RAF1: variants seen among roughly 807,000 people sequenced by gnomAD.
RAF1 encodes the protein RAF proto-oncogene serine/threonine-protein kinase.
Under a neutral mutation model 81.1 loss-of-function variants are expected in RAF1, and 27 were observed. The observed-to-expected ratio is 0.33, with a 90% CI of 0.25 to 0.46. The LOEUF (loss-of-function observed/expected upper bound fraction) is 0.46, where lower values mean the gene tolerates loss of function less well. Among genes scored for constraint, RAF1 ranks in the 20% least tolerant of loss-of-function variants. The pLI, the probability that RAF1 is intolerant of heterozygous loss-of-function variation, is 1.00. For synonymous variants in RAF1, 298 were observed against 294.0 expected, an observed-to-expected ratio of 1.01 and a Z score of -0.14; for missense variants, 598 against 826.0, an observed-to-expected ratio of 0.72 and a Z score of 3.38.
chr3:12,652,057 A>G (rs2060548167), intron 1 of RAF1, among the ~76,000 whole-genome samples: 1 of 150,696 alleles, frequency 6.6e-6, no homozygotes, highest in Non-Finnish European at 1.5e-5. Context: ...TAAATAAATG[A>G]TATAAAAAAT....
In RAF1 at chr3:12,591,827, G is replaced by C. The variant is rs1575546636; in HGVS notation, c.1169-35C>G. 6.9e-6 allele frequency: 10 copies of C among 1,457,710 alleles called. No homozygotes were observed. In the East Asian group the frequency reaches 2.3e-4, roughly 33 times the overall value. 90.3% of individuals were successfully genotyped at this position (1,457,710 alleles called of 1,614,324 possible). The stretch of plus-strand genomic sequence containing the variant: ...TAGTTGGCAGTCAGTGCAATCAGTT[G>C]AATGATCTCAGTCTTTCAAATAACC... On this transcript the variant is annotated intron_variant, in intron 11 of 17. Transcript: ENST00000442415.
intron 11 of RAF1, among the ~76,000 whole-genome samples, chr3:12,595,472 A>G (rs1416244324): frequency 6.6e-6 from 1 of 152,198 alleles, no homozygotes; most frequent in Non-Finnish European, 1.5e-5. Context: ...AGGCTTGCCA[A>G]ACCTCCTAAA....
chr3:12,623,821 A>C (rs1222307803), intron 1 of RAF1, among the ~76,000 whole-genome samples: 3 of 139,252 alleles, frequency 2.2e-5, no homozygotes, highest in African/African-American at 8.0e-5. Flanking sequence ...AAAAAAAAAG[A>C]GGCAGGCTAA....
chr3:12,641,663 T>C (rs906409377), intron 1 of RAF1, among the ~76,000 whole-genome samples: 10 of 151,946 alleles, frequency 6.6e-5, no homozygotes, highest in African/African-American at 2.4e-4. Flanking sequence ...GGCTAATTTT[T>C]GCTTTTTTCA....
At chr3:12,639,591 G>C (rs1407884606) in intron 1 of RAF1, among the ~76,000 whole-genome samples, 23 of 152,128 alleles carry the variant, frequency 1.5e-4, no homozygotes, top group Non-Finnish European at 3.1e-4. Context: ...GACAAACAGA[G>C]AGCCAAATCA....
At chr3:12,651,273 G>T (rs1575671030) in intron 1 of RAF1, among the ~76,000 whole-genome samples, 1 of 152,050 alleles carries the variant, frequency 6.6e-6, no homozygotes, top group South Asian at 2.1e-4. Flanking sequence ...TTCCCTACAT[G>T]CTTATAATCT....
chr3:12,650,278 T>A (rs1332994600), intron 1 of RAF1, among the ~76,000 whole-genome samples: 1 of 151,930 alleles, frequency 6.6e-6, no homozygotes, highest in Non-Finnish European at 1.5e-5. Flanking sequence ...GAGCCGTGAC[T>A]GCATCACTGC....
chr3:12,645,270 G>C (rs982431907), intron 1 of RAF1, among the ~76,000 whole-genome samples: 1 of 152,052 alleles, frequency 6.6e-6, no homozygotes, highest in Non-Finnish European at 1.5e-5. Flanking sequence ...TTAGTCAAGA[G>C]AACTCAGAAT....
intron 1 of RAF1, among the ~76,000 whole-genome samples, chr3:12,655,712 A>G (rs2060669830): frequency 6.6e-6 from 1 of 152,210 alleles, no homozygotes; most frequent in African/African-American, 2.4e-5. Flanking sequence ...AAAATGATAT[A>G]TTCATACAAT....
rs2058316241 is a variant in RAF1, at chr3:12,585,817, A to G, written c.1478-18T>C. ...AAATATATCTCAATGCTTGTTAAGG[A>G]CTCTGGTTTCAAAAGAATGGTCAGG... On this transcript the variant is annotated intron_variant, in intron 14 of 17. Coordinates refer to ENST00000442415, the MANE Select transcript of RAF1 (RefSeq NM_001354689.3). 6.4e-7 allele frequency: 1 copy of G among 1,557,580 alleles called. No individual in the cohort carries two copies. The highest frequency in any genetic ancestry group is 8.9e-7 in the Non-Finnish European group (1 of 1,128,846).
intron 1 of RAF1, among the ~76,000 whole-genome samples, chr3:12,656,417 G>C (rs1369053282): frequency 6.6e-6 from 1 of 152,184 alleles, no homozygotes; most frequent in East Asian, 1.9e-4. Context: ...CCCAATAGAG[G>C]GAGAAGCTTA....
At chr3:12,609,119 A>T in intron 4 of RAF1, 114 bp downstream of exon 4, 1 of 1,048,072 alleles carries the variant, frequency 9.5e-7, no homozygotes, top group Non-Finnish European at 1.5e-6. Context: ...CAGCATAAAG[A>T]ACTTTAAACA....
intron 1 of RAF1, among the ~76,000 whole-genome samples, chr3:12,632,182 G>T (rs2125500084): frequency 6.6e-6 from 1 of 152,156 alleles, no homozygotes; most frequent in East Asian, 1.9e-4. Context: ...AAATTAGCTG[G>T]ACACAGTGGC....
chr3:12,592,062 T>A, intron 11 of RAF1: 1 of 493,190 alleles, frequency 2.0e-6, no homozygotes. Context: ...ATAGGTCCAA[T>A]CTCTACATAA....
chr3:12,612,889 T>C (rs2059261141), intron 2 of RAF1, among the ~76,000 whole-genome samples: 1 of 151,518 alleles, frequency 6.6e-6, no homozygotes, highest in South Asian at 2.1e-4. Context: ...AACAAACGAG[T>C]TTTTATGATC....
At chr3:12,650,060 T>A (rs1397793212) in intron 1 of RAF1, among the ~76,000 whole-genome samples, 1 of 142,934 alleles carries the variant, frequency 7.0e-6, no homozygotes, top group East Asian at 2.3e-4. Context: ...GCAGGAGAAC[T>A]GCATGAACCC....
At chr3:12,640,193 C>T (rs1268821593) in intron 1 of RAF1, among the ~76,000 whole-genome samples, 1 of 152,152 alleles carries the variant, frequency 6.6e-6, no homozygotes, top group Admixed American at 6.6e-5. Context: ...GGATCCCTTC[C>T]TTACATCTTA....
chr3:12,626,534 T>C (rs73130370), intron 1 of RAF1, among the ~76,000 whole-genome samples: 1,545 of 151,242 alleles, frequency 0.01, 21 homozygotes, highest in African/African-American at 0.036. Flanking sequence ...GAAGCTGCAG[T>C]GTGCCACGAT....
chr3:12,636,433 T>C (rs1174383863), intron 1 of RAF1, among the ~76,000 whole-genome samples: 1 of 100,504 alleles, frequency 9.9e-6, no homozygotes, highest in Non-Finnish European at 1.9e-5. Flanking sequence ...ATAACAAGAC[T>C]GTATATCTTT....
Sources: allele counts gnomAD v4.1 joint callset (sites outside exome capture counted in the v4.1 genomes callset), GRCh38; gene constraint gnomAD v4.1.1; transcripts MANE v1.5; gene names NCBI Gene and HGNC (gene_info 2026-07-23, HGNC 2026-07-21).